Variants in TMC1 observed in about 807,000 individuals in gnomAD.
The protein encoded by TMC1 is transmembrane channel like 1, also known as transmembrane channel-like protein 1.
TMC1 carries 84 observed loss-of-function variants against 105.8 expected under a neutral mutation model. The ratio of observed to expected loss-of-function variants is 0.79; its 90% CI spans 0.67 to 0.95. TMC1 has a LOEUF of 0.95. Among genes scored for constraint, TMC1 ranks in the 40% least tolerant of loss-of-function variants. TMC1 has a pLI of 0.00. For missense variants in TMC1, 817 were observed against 914.1 expected (o/e 0.89, Z 1.37); for synonymous variants, 315 against 311.5 (o/e 1.01, Z -0.12).
chr9:72,676,477 T>A (rs1487963935), intron 5 of TMC1, among the ~76,000 whole-genome samples: 1 of 152,132 alleles, frequency 6.6e-6, no homozygotes, highest in Non-Finnish European at 1.5e-5. Context: ...CATGTATTTA[T>A]TATTATATTT....
In TMC1 at chr9:72,835,941, T is replaced by TTTTC; in HGVS notation, c.2261-9_2261-8insTTCT. 6.2e-7 allele frequency: 1 copy of TTTTC among 1,600,026 alleles called. No homozygotes were observed. The highest frequency in any genetic ancestry group is 8.5e-7 in the Non-Finnish European group (1 of 1,179,170). ...TTTTTTTTTTTTTTTTTTTTCTGTT[T>TTTTC]TGTGAACAGCTGCAGCTGCTGGTCG... is the stretch of plus-strand genomic sequence containing the variant. On this transcript the variant is annotated splice_polypyrimidine_tract_variant and intron_variant, in intron 23 of 23. Coordinates refer to ENST00000297784, the MANE Select transcript of TMC1 (RefSeq NM_138691.3).
chr9:72,637,730 C>A (rs879345881), intron 4 of TMC1, among the ~76,000 whole-genome samples: 1 of 152,146 alleles, frequency 6.6e-6, no homozygotes, highest in Non-Finnish European at 1.5e-5. Context: ...CTGAAAGTAA[C>A]TTGACAAATA....
At chr9:72,571,367 CTTCTCTCT>C (rs914339842) in intron 1 of TMC1, among the ~76,000 whole-genome samples, 2 of 123,666 alleles carry the variant, frequency 1.6e-5, no homozygotes, top group African/African-American at 6.8e-5. Context: ...ATTACTATTA[CTTCTCTCT>C]TTCTCTCTCT....
chr9:72,766,781 C>T (rs1012649646), intron 12 of TMC1, among the ~76,000 whole-genome samples: 11 of 152,168 alleles, frequency 7.2e-5, no homozygotes, highest in African/African-American at 2.7e-4. Flanking sequence ...CTTTGTACTC[C>T]ACACTGTCTC....
rs997485454 is a variant in TMC1, at chr9:72,695,447, G to A, written c.236+733G>A. Among the ~76,000 whole-genome samples the A allele has an allele frequency of 6.6e-5, 10 of 152,098 alleles. No homozygotes were observed. In the South Asian group the frequency reaches 1.0e-3, roughly 16 times the overall value. On this transcript the variant is annotated intron_variant, in intron 7 of 23. Transcript: ENST00000297784. ...TAGCAGGCAGGTAGGAAAAATGTAC[G>A]TGTAAAACACCTCTAATTAAAGAGA...
chr9:72,642,771 T>C (rs1951762081), intron 4 of TMC1, among the ~76,000 whole-genome samples: 1 of 152,224 alleles, frequency 6.6e-6, no homozygotes, highest in South Asian at 2.1e-4. Flanking sequence ...ATAATTCAGA[T>C]GTAATAAATA....
At chr9:72,797,154 TAAC>T in intron 17 of TMC1, among the ~76,000 whole-genome samples, 1 of 152,104 alleles carries the variant, frequency 6.6e-6, no homozygotes, top group East Asian at 1.9e-4. Flanking sequence ...AGAATGCAGC[TAAC>T]AAGGGAAGTG....
At chr9:72,569,263 GA>G (rs1406270394) in intron 1 of TMC1, among the ~76,000 whole-genome samples, 4 of 151,176 alleles carry the variant, frequency 2.6e-5, no homozygotes, top group African/African-American at 7.3e-5. Flanking sequence ...ATAATGAGAG[GA>G]AAAAAAGTCT....
intron 16 of TMC1, 31 bp downstream of exon 16, chr9:72,792,096 T>A: frequency 6.2e-7 from 1 of 1,613,798 alleles, no homozygotes; most frequent in Non-Finnish European, 8.5e-7. Flanking sequence ...GTCCTTGCCA[T>A]AAGAGTGTTG....
intron 5 of TMC1, among the ~76,000 whole-genome samples, chr9:72,681,926 C>T (rs1415031968): frequency 4.6e-5 from 7 of 151,942 alleles, no homozygotes; most frequent in Non-Finnish European, 1.0e-4. Flanking sequence ...CAGACATCAG[C>T]AGCTATTTAT....
At chr9:72,696,371 T>C (rs1382175859) in intron 7 of TMC1, among the ~76,000 whole-genome samples, 1 of 152,244 alleles carries the variant, frequency 6.6e-6, no homozygotes, top group Non-Finnish European at 1.5e-5. Context: ...GTATTTTTGC[T>C]GCGACAATTT....
chr9:72,791,822 T>C, intron 15 of TMC1, 64 bp from the exon 16 acceptor site: 1 of 1,440,154 alleles, frequency 6.9e-7, no homozygotes, highest in Admixed American at 1.7e-5. Context: ...TCCAAAATTC[T>C]GGCAAAAAGC....
chr9:72,789,445 C>T, intron 15 of TMC1, 128 bp downstream of exon 15: 2 of 817,300 alleles, frequency 2.4e-6, no homozygotes, highest in Non-Finnish European at 4.1e-6. Context: ...TTACAGTTAA[C>T]CAACCCTGTT....
chr9:72,617,203 G>T (rs182624353), intron 3 of TMC1, among the ~76,000 whole-genome samples: 4 of 151,718 alleles, frequency 2.6e-5, no homozygotes, highest in Non-Finnish European at 2.9e-5. Flanking sequence ...GCTCTGTTGC[G>T]CAGGCTGGAG....
At chr9:72,544,901 A>G (rs1301321476) in intron 1 of TMC1, among the ~76,000 whole-genome samples, 1 of 151,610 alleles carries the variant, frequency 6.6e-6, no homozygotes. Context: ...TGAGCAGCGT[A>G]CACTCTACCC....
At chr9:72,534,642 G>A (rs187838417) in intron 1 of TMC1, among the ~76,000 whole-genome samples, 27 of 152,210 alleles carry the variant, frequency 1.8e-4, no homozygotes, top group Admixed American at 1.4e-3. Flanking sequence ...TTAGAAAAAC[G>A]TTAATGAAAA....
chr9:72,745,868 A>G (rs1250812961), intron 10 of TMC1, among the ~76,000 whole-genome samples: 1 of 152,164 alleles, frequency 6.6e-6, no homozygotes, highest in Non-Finnish European at 1.5e-5. Context: ...TGGGGCTACT[A>G]CAATATCTAC....
chr9:72,679,063 T>C (rs1826249074), intron 5 of TMC1, among the ~76,000 whole-genome samples: 1 of 152,086 alleles, frequency 6.6e-6, no homozygotes, highest in African/African-American at 2.4e-5. Context: ...TTTTAATCAA[T>C]GTTCTTTCAT....
At position 72,830,475 on chromosome 9, in the gene TMC1, T is replaced by C. The variant is rs2118330298; in HGVS notation, c.2154T>C (p.Ala718=). Residue 718 remains alanine (A), a synonymous_variant, in exon 22 of 24, where the codon GCT becomes GCC. Coordinates refer to ENST00000297784, the MANE Select transcript of TMC1 (RefSeq NM_138691.3). ...GTTTGGCCATCTATTATCTCAATGCTACTGCCAAGGGCCAGAAGGCAGCGA... is the reference window on the plus strand; with the variant it reads ...GTTTGGCCATCTATTATCTCAATGCCACTGCCAAGGGCCAGAAGGCAGCGA... ...VMVLAIYYLN[A]TAKGQKAANL... The C allele has an allele frequency of 1.2e-6, 2 of 1,613,594 alleles. No individual in the cohort carries two copies. The highest frequency in any genetic ancestry group is 1.1e-5 in the South Asian group (1 of 91,058).
Sources: gnomAD v4.1 joint callset for allele counts (sites outside exome capture counted in the v4.1 genomes callset) on GRCh38, gnomAD v4.1.1 for gene constraint, MANE v1.5 for transcripts, NCBI Gene and HGNC (gene_info 2026-07-23, HGNC 2026-07-21) for gene names.